CLMP: variants seen among roughly 807,000 people sequenced by gnomAD.
CLMP encodes the protein CXADR like cell adhesion molecule.
In CLMP, 27 loss-of-function variants were observed where a neutral mutation model predicts 45.2. That is an observed-to-expected ratio of 0.60 (90% CI 0.44 to 0.82). The LOEUF (loss-of-function observed/expected upper bound fraction) is 0.82. Among genes scored for constraint, CLMP ranks in the 40% least tolerant of loss-of-function variants. The probability of loss-of-function intolerance (pLI) is 0.00; values close to 1 mark genes in which losing one functional copy is unlikely to be tolerated. For missense variants in CLMP, 403 were observed against 448.4 expected (o/e 0.90, Z 0.91); for synonymous variants, 167 against 171.4 (o/e 0.97, Z 0.20).
chr11:123,115,387 C>A (rs1860706900), intron 1 of CLMP, among the ~76,000 whole-genome samples: 1 of 152,000 alleles, frequency 6.6e-6, no homozygotes, highest in Non-Finnish European at 1.5e-5. Flanking sequence ...CTTAGACTCC[C>A]ATTTTTTACA....
intron 1 of CLMP, among the ~76,000 whole-genome samples, chr11:123,127,651 T>C (rs1007466502): frequency 4.9e-4 from 75 of 152,250 alleles, no homozygotes; most frequent in African/African-American, 1.8e-3. Context: ...GATAAAGATA[T>C]GACATACACA....
At chr11:123,122,688 T>A (rs762444447) in intron 1 of CLMP, among the ~76,000 whole-genome samples, 1 of 152,214 alleles carries the variant, frequency 6.6e-6, no homozygotes, top group Non-Finnish European at 1.5e-5. Flanking sequence ...GCAAGTTTCA[T>A]CAGGAATGAG....
intron 1 of CLMP, among the ~76,000 whole-genome samples, chr11:123,139,151 T>A (rs1861119911): frequency 6.6e-6 from 1 of 152,104 alleles, no homozygotes; most frequent in Admixed American, 6.5e-5. Context: ...ACTGAAATCG[T>A]CTGGCTTATA....
chr11:123,116,975 A>G (rs1565387057), intron 1 of CLMP, among the ~76,000 whole-genome samples: 1 of 152,180 alleles, frequency 6.6e-6, no homozygotes, highest in African/African-American at 2.4e-5. Context: ...TCAGCCAGGC[A>G]TGGTAACTCA....
intron 1 of CLMP, among the ~76,000 whole-genome samples, chr11:123,192,428 C>T (rs1174407730): frequency 2.0e-5 from 3 of 152,170 alleles, no homozygotes; most frequent in Non-Finnish European, 2.9e-5. Context: ...GTTCCAGCTT[C>T]GTGCATTCTA....
At chr11:123,104,577 G>C (rs1312823226) in intron 1 of CLMP, among the ~76,000 whole-genome samples, 4 of 151,732 alleles carry the variant, frequency 2.6e-5, no homozygotes, top group Admixed American at 2.6e-4. Context: ...GTAGAGACGG[G>C]GTTTCACCAT....
chr11:123,105,951 G>A (rs1445308188), intron 1 of CLMP, among the ~76,000 whole-genome samples: 1 of 151,886 alleles, frequency 6.6e-6, no homozygotes, highest in Non-Finnish European at 1.5e-5. Flanking sequence ...CGAGTAGCTG[G>A]GATTACAGGC....
chr11:123,171,420 A>AT (rs201213690), intron 1 of CLMP, among the ~76,000 whole-genome samples: 5,191 of 125,176 alleles, frequency 0.041, 281 homozygotes, highest in African/African-American at 0.13. Context: ...ATTCCCTAAG[A>AT]TTTTTTTTTT....
intron 5 of CLMP, among the ~76,000 whole-genome samples, chr11:123,081,198 G>A (rs1412516711): frequency 6.6e-6 from 1 of 152,008 alleles, no homozygotes; most frequent in Non-Finnish European, 1.5e-5. Flanking sequence ...AAAAAACAGG[G>A]TGGGGGTTAG....
In CLMP at chr11:123,114,101, T is replaced by G. The variant is rs140033003; in HGVS notation, c.29-16149A>C. The stretch of plus-strand genomic sequence containing the variant: ...AAGTCGCTTTCTAAATCTAAATCTT[T>G]TATTACCTTCGTCAGAGAGATTCGA... On this transcript the variant is annotated intron_variant, in intron 1 of 6. Coordinates refer to ENST00000448775, the MANE Select transcript of CLMP (RefSeq NM_024769.5). 3.9e-3 allele frequency among the ~76,000 whole-genome samples: 595 copies of G among 152,276 alleles called. 5 individuals are homozygous for G. The highest frequency in any genetic ancestry group is 0.014 in the African/African-American group (577 of 41,548).
chr11:123,144,329 T>C (rs1405571762), intron 1 of CLMP, among the ~76,000 whole-genome samples: 2 of 152,240 alleles, frequency 1.3e-5, no homozygotes, highest in African/African-American at 2.4e-5. Flanking sequence ...CTGGATCCAA[T>C]ATCTAGCACA....
intron 1 of CLMP, among the ~76,000 whole-genome samples, chr11:123,108,453 A>C (rs1396260918): frequency 1.3e-5 from 2 of 152,062 alleles, no homozygotes; most frequent in African/African-American, 2.4e-5. Context: ...AGAGTCCTTA[A>C]TATTAGGGGT....
At chr11:123,150,747 C>T (rs560920556) in intron 1 of CLMP, among the ~76,000 whole-genome samples, 66 of 152,314 alleles carry the variant, frequency 4.3e-4, no homozygotes, top group Middle Eastern at 3.4e-3. Context: ...GATGGAGTCT[C>T]ACTCTGTCGC....
chr11:123,128,158 A>G lies in CLMP; in HGVS notation c.29-30206T>C, dbSNP rs534448510. On this transcript the variant is annotated intron_variant, in intron 1 of 6. Transcript: ENST00000448775. The stretch of plus-strand genomic sequence containing the variant: ...ATTCCCCATATTTATAGGATGAAGG[A>G]GAAAAGCAGTATCATTTCAGGAGAT... 2.6e-5 allele frequency among the ~76,000 whole-genome samples: 4 copies of G among 152,110 alleles called. No homozygotes were observed. In the South Asian group the frequency reaches 6.2e-4, roughly 24 times the overall value.
intron 1 of CLMP, among the ~76,000 whole-genome samples, chr11:123,125,449 C>T: frequency 6.8e-6 from 1 of 146,126 alleles, no homozygotes. Flanking sequence ...CACTCACTCT[C>T]CCTTCCCTCC....
intron 5 of CLMP, among the ~76,000 whole-genome samples, chr11:123,078,770 G>A (rs545548575): frequency 1.3e-5 from 2 of 151,388 alleles, no homozygotes; most frequent in Admixed American, 6.6e-5. Context: ...TCAGCCTCCC[G>A]AGTAGCTGGG....
At chr11:123,089,870 C>T (rs59958180) in intron 2 of CLMP, among the ~76,000 whole-genome samples, 3,599 of 150,892 alleles carry the variant, frequency 0.024, 179 homozygotes, top group East Asian at 0.19. Flanking sequence ...GAGACCAAGG[C>T]GGGCAGATCA....
intron 1 of CLMP, among the ~76,000 whole-genome samples, chr11:123,135,258 TC>T (rs1861054770): frequency 1.3e-5 from 1 of 74,124 alleles, no homozygotes; most frequent in Admixed American, 1.2e-4. Context: ...AGACTCCGTC[TC>T]AAAAAAAAAA....
intron 2 of CLMP, among the ~76,000 whole-genome samples, chr11:123,096,548 T>A (rs899593628): frequency 6.6e-6 from 1 of 152,048 alleles, no homozygotes; most frequent in Non-Finnish European, 1.5e-5. Flanking sequence ...AATAAATCAA[T>A]AAACCTACTC....
Sources: allele counts gnomAD v4.1 joint callset (sites outside exome capture counted in the v4.1 genomes callset), GRCh38; gene constraint gnomAD v4.1.1; transcripts MANE v1.5; gene names NCBI Gene and HGNC (gene_info 2026-07-23, HGNC 2026-07-21).